RIMS2: variants seen among roughly 807,000 people sequenced by gnomAD.
RIMS2 encodes regulating synaptic membrane exocytosis protein 2.
RIMS2 carries 59 observed loss-of-function variants against 174.4 expected under a neutral mutation model. That is an observed-to-expected ratio of 0.34 (90% CI 0.27 to 0.42). The LOEUF (loss-of-function observed/expected upper bound fraction) is 0.42. RIMS2 is among the 10% of genes least tolerant of loss of function. The pLI is 1.00. For missense variants in RIMS2, 1,620 were observed against 1,666.3 expected (o/e 0.97, Z 0.48); for synonymous variants, 606 against 572.5 (o/e 1.06, Z -0.84).
chr8:103,991,698 A>G (rs948734386), intron 17 of RIMS2, among the ~76,000 whole-genome samples: 3 of 152,154 alleles, frequency 2.0e-5, no homozygotes, highest in African/African-American at 7.2e-5. Context: ...GTAAGAATTG[A>G]TGCACTGGAC....
At chr8:103,669,688 A>G (rs2096721067) in intron 1 of RIMS2, among the ~76,000 whole-genome samples, 1 of 152,238 alleles carries the variant, frequency 6.6e-6, no homozygotes, top group Non-Finnish European at 1.5e-5. Context: ...TAAAGCTCCA[A>G]AATGATTTCT....
At chr8:103,961,109 G>A (rs748880428) in exon 15 of RIMS2, 1 of 1,504,412 alleles carries the variant, frequency 6.6e-7, no homozygotes, top group Non-Finnish European at 9.3e-7. Context: ...CTATGACTGT[G>A]ATGATGGAAT....
intron 19 of RIMS2, among the ~76,000 whole-genome samples, chr8:104,078,735 A>G (rs1311017289): frequency 5.3e-5 from 8 of 152,172 alleles, no homozygotes; most frequent in Admixed American, 5.2e-4. Context: ...GTGAATAGGG[A>G]TTTTTAGGCA....
At chr8:104,141,453 G>A (rs1034091327) in intron 19 of RIMS2, among the ~76,000 whole-genome samples, 17 of 152,232 alleles carry the variant, frequency 1.1e-4, no homozygotes, top group African/African-American at 4.1e-4. Flanking sequence ...AAGGAAGATA[G>A]CCATGATCTC....
Position 103,908,806 on chromosome 8 carries a change from T to C in RIMS2, c.1625-1328T>C, listed in dbSNP as rs571977032. On this transcript the variant is annotated intron_variant, in intron 4 of 23. Transcript: ENST00000504942. ...GTCATACAACCTAGTCTCTATATAG[T>C]ACTTATATTCATCCTTTTTAAAATG... Among the ~76,000 whole-genome samples the C allele has an allele frequency of 5.9e-5, 9 of 152,348 alleles. 1 individual carries two copies. In the South Asian group the frequency reaches 1.9e-3, roughly 32 times the overall value.
At chr8:103,851,692 C>CACAG (rs3219929) in intron 3 of RIMS2, among the ~76,000 whole-genome samples, 11 of 129,554 alleles carry the variant, frequency 8.5e-5, no homozygotes, top group Non-Finnish European at 1.7e-4. Flanking sequence ...CACACACACA[C>CACAG]AGGCAACTCA....
rs191491650 is a variant in RIMS2 at position 104,136,570 on chromosome 8, G to C, written c.3335-108346G>C. ...CCTAAATGCCCATCAGTGATAGACT[G>C]TATAAAGAAAATGTGGTACATATAC... On this transcript the variant is annotated intron_variant, in intron 19 of 23. Coordinates refer to ENST00000504942, the Ensembl canonical transcript of RIMS2. Among the ~76,000 whole-genome samples the C allele has an allele frequency of 4.7e-4, 71 of 152,290 alleles. 1 individual carries two copies. The highest frequency in any genetic ancestry group is 1.6e-3 in the African/African-American group (66 of 41,568).
At chr8:103,952,996 G>A (rs1180632289) in intron 14 of RIMS2, among the ~76,000 whole-genome samples, 2 of 152,072 alleles carry the variant, frequency 1.3e-5, no homozygotes, top group African/African-American at 4.8e-5. Flanking sequence ...AATTTATCAA[G>A]TGGAAGAAAG....
At chr8:104,094,619 C>T in intron 19 of RIMS2, 1 of 701,486 alleles carries the variant, frequency 1.4e-6, no homozygotes, top group Non-Finnish European at 2.6e-6. Flanking sequence ...AGGAGAAAAA[C>T]AGAGAATCAG....
chr8:103,653,896 C>T lies in RIMS2; in HGVS notation c.177-43190C>T, dbSNP rs376737272. On this transcript the variant is annotated intron_variant, in intron 1 of 23. Transcript: ENST00000504942. ...CTACTGTTTTATTCTTGGCATTTAGCAGAATGCCTAATACATAGTAGGAAC... is the reference window on the plus strand; with the variant it reads ...CTACTGTTTTATTCTTGGCATTTAGTAGAATGCCTAATACATAGTAGGAAC... Among the ~76,000 whole-genome samples the T allele has an allele frequency of 4.6e-5, 7 of 152,162 alleles. 1 individual carries two copies. The highest frequency in any genetic ancestry group is 1.7e-4 in the African/African-American group (7 of 41,570).
intron 19 of RIMS2, among the ~76,000 whole-genome samples, chr8:104,120,480 TG>T (rs2098356630): frequency 6.6e-6 from 1 of 152,194 alleles, no homozygotes; most frequent in Non-Finnish European, 1.5e-5. Context: ...TGTGACTGTA[TG>T]TTAGTAATTT....
intron 3 of RIMS2, among the ~76,000 whole-genome samples, chr8:103,785,807 C>T (rs1244796479): frequency 6.6e-6 from 1 of 152,164 alleles, no homozygotes; most frequent in East Asian, 1.9e-4. Context: ...GGAGGATTCC[C>T]TCTTTTTCTA....
intron 1 of RIMS2, among the ~76,000 whole-genome samples, chr8:103,587,409 G>GAAGAAAGAAAGA (rs201019003): frequency 0.011 from 1,260 of 117,108 alleles, 17 homozygotes; most frequent in Middle Eastern, 0.019. Context: ...GAAGAAAAAA[G>GAAGAAAGAAAGA]AAGAAAGAAA....
At chr8:103,934,469 T>C (rs1253889112) in intron 12 of RIMS2, among the ~76,000 whole-genome samples, 1 of 152,120 alleles carries the variant, frequency 6.6e-6, no homozygotes, top group Non-Finnish European at 1.5e-5. Flanking sequence ...TAAGGTTATT[T>C]TTCATAGTTC....
At chr8:103,553,991 T>C (rs1411516449) in intron 1 of RIMS2, among the ~76,000 whole-genome samples, 1 of 152,104 alleles carries the variant, frequency 6.6e-6, no homozygotes, top group African/African-American at 2.4e-5. Flanking sequence ...AATAACTGGG[T>C]AGTGTTTGTG....
intron 2 of RIMS2, among the ~76,000 whole-genome samples, chr8:103,754,162 A>T (rs1258892533): frequency 6.6e-6 from 1 of 152,058 alleles, no homozygotes; most frequent in Non-Finnish European, 1.5e-5. Flanking sequence ...GAACATCTTT[A>T]TTTCTGCCTT....
intron 2 of RIMS2, among the ~76,000 whole-genome samples, chr8:103,754,800 C>T (rs2097957540): frequency 6.6e-6 from 1 of 152,092 alleles, no homozygotes; most frequent in South Asian, 2.1e-4. Flanking sequence ...TCCTCTATCC[C>T]TTTACCTTGA....
chr8:103,729,601 A>G (rs1004158037), intron 2 of RIMS2, among the ~76,000 whole-genome samples: 1 of 151,380 alleles, frequency 6.6e-6, no homozygotes, highest in Non-Finnish European at 1.5e-5. Context: ...ACTTCTACTT[A>G]TTTTGGGTTT....
chr8:103,534,343 A>T (rs1055572410), intron 1 of RIMS2, among the ~76,000 whole-genome samples: 1 of 152,192 alleles, frequency 6.6e-6, no homozygotes. Context: ...TATCAACCTA[A>T]TTTTTCAGAC....
Sources: allele counts gnomAD v4.1 joint callset (sites outside exome capture counted in the v4.1 genomes callset), GRCh38; gene constraint gnomAD v4.1.1; transcripts MANE v1.5; gene names NCBI Gene and HGNC (gene_info 2026-07-23, HGNC 2026-07-21).